TMCC3: variants seen among roughly 807,000 people sequenced by gnomAD.
The protein encoded by TMCC3 is transmembrane and coiled-coil domain family 3, also known as transmembrane and coiled-coil domain protein 3.
In TMCC3, 28 loss-of-function variants were observed where a neutral mutation model predicts 40.2. The observed-to-expected ratio is 0.70, with a 90% CI of 0.52 to 0.95. TMCC3 has a LOEUF of 0.95. TMCC3 is among the 40% of genes least tolerant of loss of function. The pLI is 0.00. For synonymous variants in TMCC3, 255 were observed against 248.5 expected (o/e 1.03, Z -0.25); for missense variants, 554 against 615.2 (o/e 0.90, Z 1.05).
At chr12:94,577,226 T>C (rs2068570697) in intron 3 of TMCC3, among the ~76,000 whole-genome samples, 1 of 152,180 alleles carries the variant, frequency 6.6e-6, no homozygotes, top group Non-Finnish European at 1.5e-5. Context: ...TCTCACTGTG[T>C]CGTCCAGGCT....
intron 1 of TMCC3, among the ~76,000 whole-genome samples, chr12:94,637,451 A>G (rs1184718412): frequency 6.6e-6 from 1 of 152,250 alleles, no homozygotes. Flanking sequence ...AGTTGAAAAC[A>G]TGCTGTGTCC....
At position 94,596,878 on chromosome 12, in the gene TMCC3, C is replaced by T. The variant is rs553767077; in HGVS notation, c.79-14340G>A. On this transcript the variant is annotated intron_variant, in intron 1 of 3. Coordinates refer to ENST00000261226, the MANE Select transcript of TMCC3 (RefSeq NM_020698.4). ...GTGCTGGGTTGCTTTCAAAACAGAC[C>T]GAACCACGAATGGTTCATGGCTTGT... Among the ~76,000 whole-genome samples, 10 of 152,054 alleles carry T rather than the reference C, an allele frequency of 6.6e-5. No individual in the cohort carries two copies. In the South Asian group the frequency reaches 1.7e-3, roughly 25 times the overall value.
chr12:94,628,458 A>G (rs975019095), intron 1 of TMCC3, among the ~76,000 whole-genome samples: 1 of 152,224 alleles, frequency 6.6e-6, no homozygotes, highest in African/African-American at 2.4e-5. Context: ...CACCAGAGCT[A>G]CCAATGACAG....
At chr12:94,628,543 C>A (rs1159680518) in intron 1 of TMCC3, among the ~76,000 whole-genome samples, 4 of 152,224 alleles carry the variant, frequency 2.6e-5, no homozygotes, top group African/African-American at 9.7e-5. Context: ...GAATGACTGG[C>A]AGGAGTGAGC....
intron 1 of TMCC3, chr12:94,609,975 T>C (rs902217084): frequency 6.6e-6 from 1 of 152,154 alleles, no homozygotes; most frequent in African/African-American, 2.4e-5. Flanking sequence ...CATGCCCTAG[T>C]TGCAAGGGAG....
In TMCC3 at chr12:94,571,558, T is replaced by A; in HGVS notation, c.1311A>T (p.Ser437=). 1 of 1,614,078 alleles carries A rather than the reference T, an allele frequency of 6.2e-7. No homozygotes were observed. Among genetic ancestry groups the A allele is most frequent in the Non-Finnish European group, 8.5e-7 (1 of 1,180,024 alleles). Residue 437 remains serine, a synonymous_variant, in exon 4 of 4, where the codon TCA becomes TCT. Transcript: ENST00000261226. ...TGTGGCAGCGACTCTTCATCATGGG[T>A]GAGACGAACTTCGCGATGGTGGACA... is the stretch of plus-strand genomic sequence containing the variant. ...VCVSTIAKFV[S]PMMKSRCHIL...
chr12:94,650,109 C>T (rs2069046693), intron 1 of TMCC3, among the ~76,000 whole-genome samples: 1 of 152,110 alleles, frequency 6.6e-6, no homozygotes, highest in African/African-American at 2.4e-5. Flanking sequence ...TCCCGCATAG[C>T]GCGCGGGGAC....
chr12:94,576,784 A>G (rs1566313332), intron 3 of TMCC3, among the ~76,000 whole-genome samples: 4 of 151,938 alleles, frequency 2.6e-5, no homozygotes, highest in Non-Finnish European at 4.4e-5. Context: ...GCCCTGGGCA[A>G]TTTTTTTTTA....
intron 1 of TMCC3, among the ~76,000 whole-genome samples, chr12:94,627,994 C>T (rs1196967537): frequency 6.6e-6 from 1 of 152,216 alleles, no homozygotes; most frequent in African/African-American, 2.4e-5. Context: ...AAAGCCCAAT[C>T]ATTTTAAGTA....
intron 1 of TMCC3, among the ~76,000 whole-genome samples, chr12:94,641,793 A>G (rs2068992491): frequency 6.6e-6 from 1 of 152,194 alleles, no homozygotes; most frequent in South Asian, 2.1e-4. Flanking sequence ...TGGCTTATGC[A>G]TCTGGCATAC....
At chr12:94,604,927 C>T (rs2068774481) in intron 1 of TMCC3, among the ~76,000 whole-genome samples, 1 of 151,290 alleles carries the variant, frequency 6.6e-6, no homozygotes, top group African/African-American at 2.4e-5. Context: ...GCTCAAAAAT[C>T]TGCTGAGAGC....
intron 1 of TMCC3, among the ~76,000 whole-genome samples, chr12:94,596,980 T>C (rs2068718541): frequency 6.6e-6 from 1 of 151,844 alleles, no homozygotes; most frequent in Admixed American, 6.6e-5. Flanking sequence ...AGGTAATCAA[T>C]TACCAAATGA....
At chr12:94,643,700 G>A (rs2069002967) in intron 1 of TMCC3, among the ~76,000 whole-genome samples, 1 of 152,190 alleles carries the variant, frequency 6.6e-6, no homozygotes, top group Admixed American at 6.5e-5. Context: ...ATAAGAATTA[G>A]AGCACACAAT....
At chr12:94,642,144 C>T (rs181980916) in intron 1 of TMCC3, among the ~76,000 whole-genome samples, 88 of 152,242 alleles carry the variant, frequency 5.8e-4, no homozygotes, top group African/African-American at 2.1e-3. Context: ...CATTCCACCC[C>T]TATAACTTAG....
intron 1 of TMCC3, among the ~76,000 whole-genome samples, chr12:94,599,290 T>C (rs2068737088): frequency 6.6e-6 from 1 of 152,214 alleles, no homozygotes; most frequent in South Asian, 2.1e-4. Context: ...ATACCCCAGA[T>C]AGGTGGGTTC....
At chr12:94,624,366 A>G (rs914970658) in intron 1 of TMCC3, among the ~76,000 whole-genome samples, 5 of 152,236 alleles carry the variant, frequency 3.3e-5, no homozygotes, top group African/African-American at 1.2e-4. Context: ...ATAGCCAAAA[A>G]GTGAAAACAA....
intron 1 of TMCC3, among the ~76,000 whole-genome samples, chr12:94,614,349 C>G (rs10466949): frequency 0.32 from 48,738 of 152,004 alleles, 8,371 homozygotes; most frequent in Admixed American, 0.42. Flanking sequence ...TGGTTACACA[C>G]AGGAATGTGA....
chr12:94,613,061 G>A (rs544425771), intron 1 of TMCC3, among the ~76,000 whole-genome samples: 14 of 150,432 alleles, frequency 9.3e-5, no homozygotes, highest in Non-Finnish European at 2.1e-4. Flanking sequence ...ATATATACAC[G>A]CACATTGGAG....
intron 1 of TMCC3, chr12:94,613,977 C>T (rs2068831866): frequency 6.6e-6 from 1 of 151,720 alleles, no homozygotes; most frequent in South Asian, 2.1e-4. Flanking sequence ...TGCCTGTGGT[C>T]CCAGCTACTC....
Sources: gnomAD v4.1 joint callset for allele counts (sites outside exome capture counted in the v4.1 genomes callset) on GRCh38, gnomAD v4.1.1 for gene constraint, MANE v1.5 for transcripts, NCBI Gene and HGNC (gene_info 2026-07-23, HGNC 2026-07-21) for gene names.